TMEM132C: variants seen among roughly 807,000 people sequenced by gnomAD.
The protein encoded by TMEM132C is protein phosphatase 1, regulatory subunit 152.
TMEM132C carries 29 observed loss-of-function variants against 61.4 expected under a neutral mutation model. The ratio of observed to expected loss-of-function variants is 0.47; its 90% CI spans 0.35 to 0.64. The LOEUF (loss-of-function observed/expected upper bound fraction) is 0.64, where lower values mean the gene tolerates loss of function less well. TMEM132C is among the 30% of genes least tolerant of loss of function. The pLI, the probability that TMEM132C is intolerant of heterozygous loss-of-function variation, is 0.00. For missense variants in TMEM132C, 1,408 were observed against 1,476.9 expected (o/e 0.95, Z 0.76); for synonymous variants, 656 against 633.1 (o/e 1.04, Z -0.54).
At chr12:128,501,124 A>G (rs1464049424) in intron 2 of TMEM132C, among the ~76,000 whole-genome samples, 2 of 152,300 alleles carry the variant, frequency 1.3e-5, no homozygotes, top group East Asian at 3.9e-4. Flanking sequence ...CCCTTTGCAT[A>G]CCTTCACTTC....
At chr12:128,332,841 A>G (rs3850011) in intron 1 of TMEM132C, among the ~76,000 whole-genome samples, 1 of 139,224 alleles carries the variant, frequency 7.2e-6, no homozygotes. Context: ...AAGGAGTTGC[A>G]GTGGCTCTTG....
At chr12:128,297,354 C>T (rs1871445475) in intron 1 of TMEM132C, among the ~76,000 whole-genome samples, 1 of 152,176 alleles carries the variant, frequency 6.6e-6, no homozygotes. Context: ...TTTGTAAACT[C>T]AGAAGGGGTT....
chr12:128,399,804 T>C (rs1565924600), intron 1 of TMEM132C, among the ~76,000 whole-genome samples: 1 of 152,114 alleles, frequency 6.6e-6, no homozygotes, highest in African/African-American at 2.4e-5. Context: ...TGTATGTCTT[T>C]AGATAGTTGG....
chr12:128,426,797 C>T (rs1457653971), intron 2 of TMEM132C, among the ~76,000 whole-genome samples: 3 of 152,166 alleles, frequency 2.0e-5, no homozygotes, highest in African/African-American at 7.2e-5. Context: ...AACATTTAAA[C>T]ATAGAATTGA....
intron 2 of TMEM132C, among the ~76,000 whole-genome samples, chr12:128,535,111 G>T (rs1174137679): frequency 6.6e-6 from 1 of 152,206 alleles, no homozygotes; most frequent in Admixed American, 6.5e-5. Flanking sequence ...ATGTGTCTTT[G>T]ATCTTCGTCC....
intron 1 of TMEM132C, among the ~76,000 whole-genome samples, chr12:128,353,603 T>C (rs572890137): frequency 4.6e-5 from 7 of 152,318 alleles, no homozygotes; most frequent in South Asian, 2.1e-4. Context: ...CAGCTTTTTA[T>C]TGGGGTGTTG....
At chr12:128,270,093 G>GT (rs1870460866) in intron 1 of TMEM132C, among the ~76,000 whole-genome samples, 1 of 152,154 alleles carries the variant, frequency 6.6e-6, no homozygotes, top group African/African-American at 2.4e-5. Context: ...TGAATTAGAG[G>GT]TTGATGTATT....
intron 1 of TMEM132C, among the ~76,000 whole-genome samples, chr12:128,399,444 T>G (rs376938496): frequency 6.6e-6 from 1 of 152,200 alleles, no homozygotes; most frequent in African/African-American, 2.4e-5. Flanking sequence ...TCAAACCATA[T>G]GCTATGTGAG....
chr12:128,658,178 A>T lies in TMEM132C; in HGVS notation c.1306-11239A>T, dbSNP rs2398426. ...CAGGGACGCAGCTCCCATGGAGGCCACAAGGCAGGAGCAGGGACGCAGCTC... is the reference window on the plus strand; with the variant it reads ...CAGGGACGCAGCTCCCATGGAGGCCTCAAGGCAGGAGCAGGGACGCAGCTC... On this transcript the variant is annotated intron_variant, in intron 4 of 8. Transcript: ENST00000435159. 1.7e-4 allele frequency among the ~76,000 whole-genome samples: 18 copies of T among 103,664 alleles called. No individual in the cohort carries two copies. The East Asian group carries it at 4.7e-3, about 27-fold the overall frequency. 68.0% of individuals were successfully genotyped at this position (103,664 alleles called of 152,430 possible).
Position 128,706,276 on chromosome 12 carries a change from A to G in TMEM132C, c.3308A>G (p.Lys1103Arg). 1 of 1,545,162 alleles carries G rather than the reference A, an allele frequency of 6.5e-7. No homozygotes were observed. The highest frequency in any genetic ancestry group is 8.7e-7 in the Non-Finnish European group (1 of 1,143,038). The change falls in exon 9 of 9, where the codon AAA becomes AGA. Residue 1103 changes from lysine to arginine, a missense_variant. Transcript: ENST00000435159. The stretch of plus-strand genomic sequence containing the variant: ...AAGGAACTTAGAAACTATCTGGAGA[A>G]ACTCAAAGATAAGGCTTAGGCCCCT... ...APKELRNYLE[K>R]LKDKA
At chr12:128,545,570 TAC>T (rs1873921776) in intron 3 of TMEM132C, among the ~76,000 whole-genome samples, 1 of 152,246 alleles carries the variant, frequency 6.6e-6, no homozygotes, top group Non-Finnish European at 1.5e-5. Flanking sequence ...TTTACTTTCC[TAC>T]ACACAGTGTG....
intron 1 of TMEM132C, among the ~76,000 whole-genome samples, chr12:128,384,486 T>C (rs866034056): frequency 3.3e-5 from 5 of 152,234 alleles, no homozygotes; most frequent in African/African-American, 9.6e-5. Context: ...TTTGTTTTCA[T>C]GTTCAAGGTC....
At chr12:128,562,064 C>T (rs908502784) in intron 3 of TMEM132C, among the ~76,000 whole-genome samples, 2 of 152,246 alleles carry the variant, frequency 1.3e-5, no homozygotes, top group East Asian at 3.9e-4. Flanking sequence ...ATCCAATGCG[C>T]GTCTACCTTC....
chr12:128,549,407 C>T (rs1331168577), intron 3 of TMEM132C, among the ~76,000 whole-genome samples: 5 of 152,034 alleles, frequency 3.3e-5, no homozygotes, highest in Non-Finnish European at 7.4e-5. Flanking sequence ...GCCACCATCA[C>T]CCCCCGGCGC....
At chr12:128,512,526 C>G (rs1323442403) in intron 2 of TMEM132C, among the ~76,000 whole-genome samples, 1 of 152,122 alleles carries the variant, frequency 6.6e-6, no homozygotes, top group Non-Finnish European at 1.5e-5. Context: ...CTGGGTGTTT[C>G]CCAAATGTCT....
At chr12:128,619,175 G>C (rs1876909971) in intron 4 of TMEM132C, among the ~76,000 whole-genome samples, 1 of 152,180 alleles carries the variant, frequency 6.6e-6, no homozygotes, top group African/African-American at 2.4e-5. Context: ...TTAGATCTTT[G>C]AACCAATTAA....
At position 128,278,311 on chromosome 12, in the gene TMEM132C, T is replaced by C. The variant is rs1385575071; in HGVS notation, c.85+10824T>C. Reference sequence around the variant, plus strand: ...GTCACGACACAGCCCCGGGTTACCATTTTCTTTATTTTCCACTGTTTAATT... The same window carrying C: ...GTCACGACACAGCCCCGGGTTACCACTTTCTTTATTTTCCACTGTTTAATT... On this transcript the variant is annotated intron_variant, in intron 1 of 8. Coordinates refer to ENST00000435159, the MANE Select transcript of TMEM132C (RefSeq NM_001136103.3). The surrounding 1 kb of genome is among the most constrained non-coding windows in gnomAD (Gnocchi z 4.2). Among the ~76,000 whole-genome samples, 2 of 152,190 alleles carry C rather than the reference T, an allele frequency of 1.3e-5. No homozygotes were observed. The highest frequency in any genetic ancestry group is 1.5e-5 in the Non-Finnish European group (1 of 68,030).
intron 2 of TMEM132C, among the ~76,000 whole-genome samples, chr12:128,514,057 G>A (rs563437998): frequency 1.6e-4 from 24 of 152,328 alleles, no homozygotes; most frequent in African/African-American, 3.8e-4. Flanking sequence ...GCACAGCAGG[G>A]TAGTCAGAAA....
chr12:128,411,905 C>T (rs1474557810), intron 1 of TMEM132C, among the ~76,000 whole-genome samples: 3 of 152,124 alleles, frequency 2.0e-5, no homozygotes, highest in Non-Finnish European at 4.4e-5. Flanking sequence ...TAACCCCTTC[C>T]CTTACGGTGA....
Sources: allele counts gnomAD v4.1 joint callset (sites outside exome capture counted in the v4.1 genomes callset), GRCh38; gene constraint gnomAD v4.1.1; non-coding constraint Gnocchi (gnomAD v3.1); transcripts MANE v1.5; gene names NCBI Gene and HGNC (gene_info 2026-07-23, HGNC 2026-07-21).